The following FRAS1 variants were observed in gnomAD, a reference collection of about 807,000 sequenced individuals.
FRAS1 encodes extracellular matrix organizing protein FRAS1.
A neutral mutation model predicts 435.2 loss-of-function variants in FRAS1; 290 were observed. The ratio of observed to expected loss-of-function variants is 0.67; its 90% CI spans 0.61 to 0.73. FRAS1 has a LOEUF of 0.73. Ranked by LOEUF, FRAS1 falls within the 30% of genes least tolerant of loss-of-function variation. The probability of loss-of-function intolerance (pLI) is 0.00; values close to 1 mark genes in which losing one functional copy is unlikely to be tolerated. For missense variants in FRAS1, 4,860 were observed against 5,001.5 expected (o/e 0.97, Z 0.85); for synonymous variants, 1,800 against 1,851.0 (o/e 0.97, Z 0.71).
rs185130757 is a variant in FRAS1 at position 78,278,887 on chromosome 4, G to A, written c.1071+143G>A. On this transcript the variant is annotated intron_variant, in intron 10 of 73. Coordinates refer to ENST00000512123, the MANE Select transcript of FRAS1 (RefSeq NM_025074.7). ...CACCTACTGTACAACAGGCTCTGGGGACACAGAAGGGAATACAACAGGCAG... is the reference window on the plus strand; with the variant it reads ...CACCTACTGTACAACAGGCTCTGGGAACACAGAAGGGAATACAACAGGCAG... The A allele has an allele frequency of 3.1e-4, 192 of 610,120 alleles. No homozygotes were observed. The Middle Eastern group carries it at 3.9e-3, about 12-fold the overall frequency. 37.8% of individuals were successfully genotyped at this position (610,120 alleles called of 1,614,324 possible). A position where few individuals can be genotyped will look rare whatever the true frequency, so the allele number is the denominator to read the frequency against.
chr4:78,094,084 A>T (rs1473197204), intron 2 of FRAS1, among the ~76,000 whole-genome samples: 1 of 150,602 alleles, frequency 6.6e-6, no homozygotes, highest in African/African-American at 2.4e-5. Flanking sequence ...GAGTAGGTAA[A>T]ATTATTTTTG....
intron 18 of FRAS1, among the ~76,000 whole-genome samples, chr4:78,321,819 G>A (rs1729519465): frequency 2.1e-5 from 3 of 144,716 alleles, no homozygotes; most frequent in Admixed American, 2.1e-4. Context: ...TCTCCAGCCT[G>A]GAGTTAACAA....
At chr4:78,165,839 C>G (rs1721313966) in intron 2 of FRAS1, among the ~76,000 whole-genome samples, 1 of 152,114 alleles carries the variant, frequency 6.6e-6, no homozygotes, top group African/African-American at 2.4e-5. Flanking sequence ...ATTCTCATGG[C>G]CAACACATGT....
chr4:78,312,179 C>T (rs1401432454), intron 15 of FRAS1, among the ~76,000 whole-genome samples: 4 of 128,646 alleles, frequency 3.1e-5, no homozygotes, highest in South Asian at 2.2e-4. Context: ...ATCTGAAGTC[C>T]ATATATATAT....
At chr4:78,203,907 G>T (rs1723148432) in intron 2 of FRAS1, among the ~76,000 whole-genome samples, 1 of 152,092 alleles carries the variant, frequency 6.6e-6, no homozygotes, top group African/African-American at 2.4e-5. Flanking sequence ...CCTTTCTGTG[G>T]TCCATTTTGT....
At position 78,540,497 on chromosome 4, in the gene FRAS1, GCAA is replaced by G. The variant is rs768620935; in HGVS notation, c.11446-25_11446-23del. ...TCCTTTCTTCAGAGGTGGTCTGTGG[GCAA>G]CAACAACATGTTCGGTTTGTCCCCC... On this transcript the variant is annotated intron_variant, in intron 73 of 73. Transcript: ENST00000512123. 5 of 1,396,326 alleles carry G rather than the reference GCAA, an allele frequency of 3.6e-6. No individual in the cohort carries two copies. In the African/African-American group the frequency reaches 5.7e-5, roughly 16 times the overall value. The allele number at this position is 1,396,326 out of a possible 1,614,324, so 86.5% of individuals were successfully genotyped here.
At chr4:78,311,183 C>T (rs1414999718) in intron 15 of FRAS1, among the ~76,000 whole-genome samples, 1 of 151,700 alleles carries the variant, frequency 6.6e-6, no homozygotes, top group Non-Finnish European at 1.5e-5. Flanking sequence ...CTCTTTCTTC[C>T]CTCCTTTTTT....
intron 2 of FRAS1, among the ~76,000 whole-genome samples, chr4:78,215,214 T>G (rs1399467071): frequency 1.4e-5 from 2 of 146,714 alleles, no homozygotes; most frequent in Non-Finnish European, 3.0e-5. Flanking sequence ...ATTATTATTT[T>G]GAGATGGAGT....
chr4:78,219,418 CA>C (rs1723947921), intron 2 of FRAS1, among the ~76,000 whole-genome samples: 1 of 152,114 alleles, frequency 6.6e-6, no homozygotes, highest in African/African-American at 2.4e-5. Flanking sequence ...AGTAGAACCA[CA>C]AATAATATAT....
At chr4:78,363,397 C>A in intron 20 of FRAS1, 116 bp from the exon 21 acceptor site, 1 of 1,042,862 alleles carries the variant, frequency 9.6e-7, no homozygotes, top group Non-Finnish European at 1.4e-6. Flanking sequence ...TTGGGCTACT[C>A]TCCAGCTGTC....
intron 30 of FRAS1, among the ~76,000 whole-genome samples, chr4:78,402,989 T>A (rs1732956763): frequency 6.6e-6 from 1 of 152,208 alleles, no homozygotes; most frequent in African/African-American, 2.4e-5. Flanking sequence ...TGATGTTAAC[T>A]TTGATCACTT....
At chr4:78,121,798 G>A (rs9995229) in intron 2 of FRAS1, among the ~76,000 whole-genome samples, 42,565 of 151,984 alleles carry the variant, frequency 0.28, 6,289 homozygotes, top group African/African-American at 0.35. Context: ...CTCATAGCAC[G>A]TAAGGCAAAT....
intron 2 of FRAS1, among the ~76,000 whole-genome samples, chr4:78,234,912 A>G (rs1036615690): frequency 1.3e-5 from 2 of 152,212 alleles, no homozygotes; most frequent in Non-Finnish European, 2.9e-5. Context: ...AGAATCAACA[A>G]TATATTCATA....
intron 1 of FRAS1, among the ~76,000 whole-genome samples, chr4:78,065,174 ATATATATGTG>A (rs994034005): frequency 1.6e-4 from 24 of 146,914 alleles, no homozygotes; most frequent in East Asian, 7.8e-4. Context: ...GTATATATGT[ATATATATGTG>A]TATATATGTG....
intron 20 of FRAS1, among the ~76,000 whole-genome samples, chr4:78,353,749 C>T (rs1730736632): frequency 5.7e-5 from 1 of 17,642 alleles, no homozygotes; most frequent in Non-Finnish European, 9.7e-5. Context: ...ATCTCAAGAA[C>T]AAAAAACCAA....
At chr4:78,365,622 G>A (rs1260096159) in intron 22 of FRAS1, among the ~76,000 whole-genome samples, 2 of 151,600 alleles carry the variant, frequency 1.3e-5, no homozygotes, top group Non-Finnish European at 1.5e-5. Flanking sequence ...CATGTAAATA[G>A]AATTTCATAG....
chr4:78,344,391 T>C (rs1730517829), intron 20 of FRAS1, among the ~76,000 whole-genome samples: 1 of 151,458 alleles, frequency 6.6e-6, no homozygotes, highest in Non-Finnish European at 1.5e-5. Flanking sequence ...AGACTGAAAC[T>C]GTCTAACAGA....
intron 2 of FRAS1, among the ~76,000 whole-genome samples, chr4:78,203,870 C>T (rs1723147541): frequency 6.6e-6 from 1 of 152,172 alleles, no homozygotes; most frequent in Non-Finnish European, 1.5e-5. Context: ...ACCTGGCCTC[C>T]TCTTGTTTCC....
At chr4:78,485,405 T>G (rs1720139423) in intron 58 of FRAS1, among the ~76,000 whole-genome samples, 1 of 152,224 alleles carries the variant, frequency 6.6e-6, no homozygotes, top group South Asian at 2.1e-4. Context: ...ATTGGGTTTG[T>G]CAACTTAGGA....
Sources: allele counts gnomAD v4.1 joint callset (sites outside exome capture counted in the v4.1 genomes callset), GRCh38; gene constraint gnomAD v4.1.1; transcripts MANE v1.5; gene names NCBI Gene and HGNC (gene_info 2026-07-23, HGNC 2026-07-21).